KANSL1L: variants seen among roughly 807,000 people sequenced by gnomAD.
KANSL1L encodes KAT8 regulatory NSL complex subunit 1-like protein.
In KANSL1L, 25 loss-of-function variants were observed where a neutral mutation model predicts 108.6. That is an observed-to-expected ratio of 0.23 (90% CI 0.17 to 0.32). The LOEUF is 0.32. KANSL1L is among the 10% of genes least tolerant of loss of function. The probability of loss-of-function intolerance (pLI) is 1.00; values close to 1 mark genes in which losing one functional copy is unlikely to be tolerated. For missense variants in KANSL1L, 1,137 were observed against 1,125.7 expected (o/e 1.01, Z -0.14); for synonymous variants, 405 against 395.1 (o/e 1.03, Z -0.30).
chr2:210,025,437 T>A (rs2093923081), intron 12 of KANSL1L, among the ~76,000 whole-genome samples: 1 of 152,162 alleles, frequency 6.6e-6, no homozygotes, highest in Non-Finnish European at 1.5e-5. Context: ...GCGCCTGTAA[T>A]CACAGCTACT....
At chr2:210,051,244 C>T (rs558803042) in intron 6 of KANSL1L, among the ~76,000 whole-genome samples, 2 of 152,260 alleles carry the variant, frequency 1.3e-5, no homozygotes, top group Admixed American at 6.5e-5. Flanking sequence ...CTTCCCTTCT[C>T]TTCATGGACC....
chr2:210,080,939 T>C (rs2094584761), intron 5 of KANSL1L, among the ~76,000 whole-genome samples: 2 of 151,948 alleles, frequency 1.3e-5, no homozygotes. Flanking sequence ...AAACCCTGTC[T>C]GTACCAAAAA....
At chr2:210,037,176 A>G (rs1472136262) in intron 8 of KANSL1L, among the ~76,000 whole-genome samples, 2 of 152,212 alleles carry the variant, frequency 1.3e-5, no homozygotes, top group Non-Finnish European at 2.9e-5. Flanking sequence ...TTTATATTTC[A>G]TATGTATTTC....
intron 7 of KANSL1L, 66 bp from the exon 8 acceptor site, chr2:210,040,593 G>A (rs1481038760): frequency 7.4e-6 from 5 of 672,330 alleles, no homozygotes; most frequent in Non-Finnish European, 1.2e-5. Flanking sequence ...ATTACAGATT[G>A]TAACATTAAA....
intron 1 of KANSL1L, among the ~76,000 whole-genome samples, chr2:210,160,111 GA>G (rs1283931281): frequency 1.3e-5 from 2 of 152,174 alleles, no homozygotes; most frequent in Non-Finnish European, 2.9e-5. Flanking sequence ...AATAAATGGA[GA>G]AAAAGCATTT....
chr2:210,158,469 A>T (rs912403762), intron 1 of KANSL1L, among the ~76,000 whole-genome samples: 1 of 152,188 alleles, frequency 6.6e-6, no homozygotes, highest in African/African-American at 2.4e-5. Flanking sequence ...CTTGAGCCAG[A>T]GGCACCCAGC....
rs999164341 is a variant in KANSL1L at position 210,171,284 on chromosome 2, GCTCCCGCCCCGGCCGCCGCCGCC to G, written c.-188_-166del. On this transcript the variant is annotated 5_prime_UTR_variant, in exon 1 of 15. Coordinates refer to ENST00000281772, the MANE Select transcript of KANSL1L (RefSeq NM_152519.4). ...CTGACTCGTCTCCAGAGCGCGCCCC[GCTCCCGCCCCGGCCGCCGCCGCC>G]GCCGCCGCCGCCGCCGCCGCCGCCG... The G allele has an allele frequency of 6.1e-6, 1 of 165,168 alleles. No homozygotes were observed. Among genetic ancestry groups the G allele is most frequent in the African/African-American group, 2.5e-5 (1 of 39,596 alleles). The allele number at this position is 165,168 out of a possible 1,614,324, so 10.2% of individuals were successfully genotyped here.
At chr2:210,125,127 G>T (rs1470438123) in intron 3 of KANSL1L, among the ~76,000 whole-genome samples, 1 of 152,066 alleles carries the variant, frequency 6.6e-6, no homozygotes, top group African/African-American at 2.4e-5. Flanking sequence ...GGTGGCGGGT[G>T]CCTGTAATCC....
At chr2:210,117,660 A>C (rs1025648749) in intron 3 of KANSL1L, among the ~76,000 whole-genome samples, 1 of 152,174 alleles carries the variant, frequency 6.6e-6, no homozygotes, top group Admixed American at 6.6e-5. Flanking sequence ...ATATCCTTCA[A>C]GATGAACTTT....
chr2:210,045,629 T>G (rs1240445225), intron 6 of KANSL1L, among the ~76,000 whole-genome samples: 2 of 152,210 alleles, frequency 1.3e-5, no homozygotes, highest in East Asian at 3.8e-4. Flanking sequence ...ACTATCATAG[T>G]GTAGGTTTGC....
At chr2:210,064,604 G>A (rs1020053754) in intron 6 of KANSL1L, among the ~76,000 whole-genome samples, 4 of 152,070 alleles carry the variant, frequency 2.6e-5, no homozygotes, top group African/African-American at 9.6e-5. Context: ...TTTGAGCCCA[G>A]GAGTTCAAGA....
intron 3 of KANSL1L, among the ~76,000 whole-genome samples, chr2:210,120,173 T>G (rs1206723718): frequency 1.3e-5 from 2 of 152,076 alleles, no homozygotes; most frequent in Non-Finnish European, 2.9e-5. Flanking sequence ...GTGGACTGCC[T>G]CAGCTCAGGA....
intron 6 of KANSL1L, among the ~76,000 whole-genome samples, chr2:210,063,351 G>A (rs972911075): frequency 1.3e-5 from 2 of 152,212 alleles, no homozygotes; most frequent in Non-Finnish European, 2.9e-5. Flanking sequence ...GGGAAATGTG[G>A]GGTCAGAGCC....
At chr2:210,170,294 GA>G in intron 1 of KANSL1L, 5 of 890,120 alleles carry the variant, frequency 5.6e-6, no homozygotes, top group Non-Finnish European at 6.7e-6. Flanking sequence ...GCCAGAACAT[GA>G]ATGTCCTGAA....
intron 3 of KANSL1L, among the ~76,000 whole-genome samples, chr2:210,108,389 T>C (rs1218941261): frequency 6.6e-6 from 1 of 152,174 alleles, no homozygotes; most frequent in African/African-American, 2.4e-5. Flanking sequence ...TAAAACAATT[T>C]ATTCCAGTAG....
chr2:210,141,217 C>CT (rs2095227051), intron 2 of KANSL1L, among the ~76,000 whole-genome samples: 1 of 139,032 alleles, frequency 7.2e-6, no homozygotes, highest in African/African-American at 2.7e-5. Context: ...CTTTTCTTTC[C>CT]TTTTTCTCTT....
chr2:210,129,371 C>T (rs1041779514), intron 2 of KANSL1L, among the ~76,000 whole-genome samples, 199 bp from the exon 3 acceptor site: 6 of 152,094 alleles, frequency 3.9e-5, no homozygotes, highest in African/African-American at 1.4e-4. Flanking sequence ...CCACAAATAC[C>T]TGTTTTCATT....
At chr2:210,047,832 G>T (rs1033115928) in intron 6 of KANSL1L, among the ~76,000 whole-genome samples, 1 of 152,114 alleles carries the variant, frequency 6.6e-6, no homozygotes, top group Non-Finnish European at 1.5e-5. Flanking sequence ...TCTAGTGGGG[G>T]TTCTCTATCC....
At chr2:210,063,414 T>A (rs1451719124) in intron 6 of KANSL1L, among the ~76,000 whole-genome samples, 2 of 152,114 alleles carry the variant, frequency 1.3e-5, no homozygotes, top group Non-Finnish European at 2.9e-5. Context: ...GAGAAGAGGG[T>A]CATTGTCCTT....
Sources: gnomAD v4.1 joint callset for allele counts (sites outside exome capture counted in the v4.1 genomes callset) on GRCh38, gnomAD v4.1.1 for gene constraint, MANE v1.5 for transcripts, NCBI Gene and HGNC (gene_info 2026-07-23, HGNC 2026-07-21) for gene names.